ITGA4: variants seen among roughly 807,000 people sequenced by gnomAD.
ITGA4 encodes integrin alpha-4.
In ITGA4, 63 loss-of-function variants were observed where a neutral mutation model predicts 133.6. The observed-to-expected ratio is 0.47, with a 90% CI of 0.38 to 0.58. The LOEUF (loss-of-function observed/expected upper bound fraction) is 0.58, where lower values mean the gene tolerates loss of function less well. Ranked by LOEUF, ITGA4 falls within the 20% of genes least tolerant of loss-of-function variation. ITGA4 has a pLI of 0.00. For missense variants in ITGA4, 1,076 were observed against 1,252.7 expected (o/e 0.86, Z 2.13); for synonymous variants, 483 against 438.0 (o/e 1.10, Z -1.28).
chr2:181,488,208 T>C (rs1218115587), intron 10 of ITGA4, among the ~76,000 whole-genome samples: 1 of 152,196 alleles, frequency 6.6e-6, no homozygotes, highest in African/African-American at 2.4e-5. Context: ...AAAGCCCAAG[T>C]AATTTTCCAG....
intron 4 of ITGA4, among the ~76,000 whole-genome samples, chr2:181,476,480 G>A (rs1213208395): frequency 6.6e-6 from 1 of 152,094 alleles, no homozygotes; most frequent in Non-Finnish European, 1.5e-5. Context: ...AAAGCCAAAA[G>A]GAAGCTGTGG....
chr2:181,532,657 T>C (rs985644973), intron 25 of ITGA4, among the ~76,000 whole-genome samples: 2 of 152,164 alleles, frequency 1.3e-5, no homozygotes, highest in Non-Finnish European at 2.9e-5. Context: ...GCTGAGACCA[T>C]GGAGTTTTCT....
Position 181,538,654 on chromosome 2 carries a change from G to T in ITGA4, c.*3127G>T, listed in dbSNP as rs1426219664. Among the ~76,000 whole-genome samples, 1 of 152,058 alleles carries T rather than the reference G, an allele frequency of 6.6e-6. No homozygotes were observed. The highest frequency in any genetic ancestry group is 1.9e-4 in the East Asian group (1 of 5,196). On this transcript the variant is annotated 3_prime_UTR_variant, in exon 28 of 28. Coordinates refer to ENST00000397033, the MANE Select transcript of ITGA4 (RefSeq NM_000885.6). ...AAGGGAAGTTGAATGCTCTGTAAAG[G>T]CCTAATAAAAGCAAATTACTGAACA... is the stretch of plus-strand genomic sequence containing the variant.
At chr2:181,490,378 T>C (rs533149085) in intron 10 of ITGA4, among the ~76,000 whole-genome samples, 2 of 152,202 alleles carry the variant, frequency 1.3e-5, no homozygotes, top group Non-Finnish European at 2.9e-5. Context: ...TTTTACTTTC[T>C]GTGCCTGGCT....
rs780009057 is a variant in ITGA4, at chr2:181,537,965, G to T, written c.*2438G>T. On this transcript the variant is annotated 3_prime_UTR_variant, in exon 28 of 28. Coordinates refer to ENST00000397033, the MANE Select transcript of ITGA4 (RefSeq NM_000885.6). ...AGAAGTGCGAACCATATGGTGAACT[G>T]GTATGTGAGGGATCTAGAGTGCCAT... 1.2e-5 allele frequency: 8 copies of T among 649,292 alleles called. No homozygotes were observed. The African/African-American group carries it at 1.3e-4, about 10-fold the overall frequency. The allele number at this position is 649,292 out of a possible 1,614,324, so 40.2% of individuals were successfully genotyped here.
Position 181,457,429 on chromosome 2 carries a change from C to G in ITGA4, c.-226C>G, listed in dbSNP as rs199605482. ...GAAGCTCCCGGCTGGCGGCAGAAAC[C>G]GGGAGTGGGGCCGGGCGAGTGCGCG... On this transcript the variant is annotated 5_prime_UTR_variant, in exon 1 of 28. Coordinates refer to ENST00000397033, the MANE Select transcript of ITGA4 (RefSeq NM_000885.6). The G allele has an allele frequency of 2.0e-4, 101 of 495,430 alleles. No individual in the cohort carries two copies. The highest frequency in any genetic ancestry group is 3.3e-4 in the Non-Finnish European group (92 of 279,984). 30.7% of individuals were successfully genotyped at this position (495,430 alleles called of 1,614,324 possible).
Position 181,522,308 on chromosome 2 carries a change from C to T in ITGA4, c.2040C>T (p.Pro680=), listed in dbSNP as rs369064185. 5.0e-5 allele frequency: 81 copies of T among 1,607,628 alleles called. No individual in the cohort carries two copies. Among genetic ancestry groups the T allele is most frequent in the Non-Finnish European group, 6.2e-5 (73 of 1,176,182 alleles). Residue 680 remains proline, a synonymous_variant, in exon 18 of 28, where the codon CCC becomes CCT. Coordinates refer to ENST00000397033, the MANE Select transcript of ITGA4 (RefSeq NM_000885.6). ...AYETTLHVKL[P]VGLYFIKILE... ...AAACGACTCTACATGTCAAACTACC[C>T]GTGGGTCTTTATTTCATTAAGATTT...
upstream of ITGA4, chr2:181,457,317 G>A (rs1685140249): frequency 3.9e-6 from 1 of 258,666 alleles, no homozygotes; most frequent in Non-Finnish European, 7.5e-6. Flanking sequence ...CCGCGCGTAG[G>A]CAGAGACGGA....
chr2:181,507,134 C>A (rs1381143647), intron 15 of ITGA4, among the ~76,000 whole-genome samples: 2 of 152,002 alleles, frequency 1.3e-5, no homozygotes, highest in Non-Finnish European at 2.9e-5. Flanking sequence ...AGTCTGTGAC[C>A]AATTCATCAA....
intron 2 of ITGA4, among the ~76,000 whole-genome samples, chr2:181,464,659 C>T (rs556056501): frequency 6.6e-6 from 1 of 152,122 alleles, no homozygotes; most frequent in East Asian, 1.9e-4. Context: ...AAATAATTTT[C>T]ATCTTTTTCA....
intron 2 of ITGA4, among the ~76,000 whole-genome samples, chr2:181,460,566 A>AGTGTGT (rs61016862): frequency 2.4e-3 from 352 of 148,054 alleles, no homozygotes; most frequent in African/African-American, 8.4e-3. Flanking sequence ...TCTGTAGAAG[A>AGTGTGT]GTGTGTGTGT....
intron 17 of ITGA4, among the ~76,000 whole-genome samples, chr2:181,512,933 G>A (rs1360045101): frequency 6.6e-6 from 1 of 152,092 alleles, no homozygotes; most frequent in Admixed American, 6.6e-5. Flanking sequence ...GCCAGAGGCA[G>A]GGAAAAGAAT....
intron 22 of ITGA4, among the ~76,000 whole-genome samples, chr2:181,527,826 C>T (rs1012065922): frequency 6.6e-6 from 1 of 152,172 alleles, no homozygotes; most frequent in African/African-American, 2.4e-5. Context: ...TTTAAGATCA[C>T]GTTGGTTAGC....
chr2:181,492,477 TAAAC>T (rs1276272554), intron 10 of ITGA4, among the ~76,000 whole-genome samples: 4 of 152,206 alleles, frequency 2.6e-5, no homozygotes, highest in Non-Finnish European at 5.9e-5. Context: ...TTCTATTAAA[TAAAC>T]CATTGCATAT....
At chr2:181,492,123 C>T (rs947386354) in intron 10 of ITGA4, among the ~76,000 whole-genome samples, 2 of 152,222 alleles carry the variant, frequency 1.3e-5, no homozygotes, top group Non-Finnish European at 2.9e-5. Flanking sequence ...TTTGCCAGCT[C>T]CTGGCAATTG....
At chr2:181,490,034 G>A (rs541299708) in intron 10 of ITGA4, among the ~76,000 whole-genome samples, 3 of 152,102 alleles carry the variant, frequency 2.0e-5, no homozygotes, top group South Asian at 2.1e-4. Context: ...GAGCAAGCAG[G>A]GGGTACGTGA....
intron 19 of ITGA4, 135 bp from the exon 20 acceptor site, chr2:181,524,036 G>C: frequency 1.6e-6 from 1 of 607,744 alleles, no homozygotes; most frequent in Non-Finnish European, 2.9e-6. Flanking sequence ...TATTGCCAAG[G>C]GAGGAGTAGC....
At position 181,538,273 on chromosome 2, in the gene ITGA4, CTTATTTTG is replaced by C. The variant is rs751564367; in HGVS notation, c.*2749_*2756del. On this transcript the variant is annotated 3_prime_UTR_variant, in exon 28 of 28. Coordinates refer to ENST00000397033, the MANE Select transcript of ITGA4 (RefSeq NM_000885.6). The stretch of plus-strand genomic sequence containing the variant: ...TAAAGAAAATACATTATTTCATCAA[CTTATTTTG>C]TTGTTTTTCACATACACCTAATAAG... 1 of 1,416,114 alleles carries C rather than the reference CTTATTTTG, an allele frequency of 7.1e-7. No homozygotes were observed. The highest frequency in any genetic ancestry group is 2.3e-5 in the East Asian group (1 of 43,864). The allele number at this position is 1,416,114 out of a possible 1,614,324, so 87.7% of individuals were successfully genotyped here.
intron 20 of ITGA4, 50 bp downstream of exon 20, chr2:181,524,300 G>A (rs1686788588): frequency 4.9e-6 from 5 of 1,020,232 alleles, no homozygotes; most frequent in African/African-American, 1.7e-5. Flanking sequence ...CCCATATTCT[G>A]AGGGGGGGGA....
Sources: gnomAD v4.1 joint callset for allele counts (sites outside exome capture counted in the v4.1 genomes callset) on GRCh38, gnomAD v4.1.1 for gene constraint, MANE v1.5 for transcripts, NCBI Gene and HGNC (gene_info 2026-07-23, HGNC 2026-07-21) for gene names.